The following LBH variants were observed in gnomAD, a reference collection of about 807,000 sequenced individuals.
LBH encodes protein LBH.
LBH carries 7 observed loss-of-function variants against 12.5 expected under a neutral mutation model. The observed-to-expected ratio is 0.56, with a 90% CI of 0.32 to 1.05. The LOEUF (loss-of-function observed/expected upper bound fraction) is 1.05. Among genes scored for constraint, LBH ranks in the 50% least tolerant of loss-of-function variants. The probability of loss-of-function intolerance (pLI) is 0.04; values close to 1 mark genes in which losing one functional copy is unlikely to be tolerated. For missense variants in LBH, 119 were observed against 138.9 expected (o/e 0.86, Z 0.72); for synonymous variants, 51 against 50.1 (o/e 1.02, Z -0.08).
At chr2:30,241,353 A>G (rs1156569418) in intron 2 of LBH, among the ~76,000 whole-genome samples, 2 of 151,884 alleles carry the variant, frequency 1.3e-5, no homozygotes, top group Non-Finnish European at 2.9e-5. Context: ...TGGCAATTTC[A>G]TATTTTTATT....
chr2:30,238,256 AG>A (rs1223810680), intron 2 of LBH, among the ~76,000 whole-genome samples: 6 of 152,202 alleles, frequency 3.9e-5, no homozygotes, highest in Admixed American at 6.5e-5. Context: ...TAACTTCCTC[AG>A]CACAGCAGCC....
chr2:30,250,152 C>T (rs1207172891), intron 2 of LBH, among the ~76,000 whole-genome samples: 4 of 152,210 alleles, frequency 2.6e-5, no homozygotes, highest in South Asian at 4.2e-4. Flanking sequence ...TTTTCCTGAG[C>T]GGGTTTGGGC....
At chr2:30,234,652 T>G in intron 2 of LBH, 145 bp downstream of exon 2, 1 of 605,200 alleles carries the variant, frequency 1.7e-6, no homozygotes, top group Non-Finnish European at 3.0e-6. Context: ...AAGCCTCAGT[T>G]TCTTCATCTG....
intron 2 of LBH, 22 bp from the exon 3 acceptor site, chr2:30,257,411 A>G (rs1246131668): frequency 1.2e-6 from 2 of 1,613,556 alleles, no homozygotes; most frequent in African/African-American, 1.3e-5. Flanking sequence ...GTGACCAGGC[A>G]CCTGCTCTGC....
Position 30,247,051 on chromosome 2 carries a change from C to T in LBH, c.130-10382C>T, listed in dbSNP as rs565273592. On this transcript the variant is annotated intron_variant, in intron 2 of 2. Transcript: ENST00000395323. ...GCCCAGGCTTGTCTTGAAATCCCGGCCTCCAGCAGTCCTCCCACCTCAGCC... is the reference window on the plus strand; with the variant it reads ...GCCCAGGCTTGTCTTGAAATCCCGGTCTCCAGCAGTCCTCCCACCTCAGCC... Among the ~76,000 whole-genome samples, 8 of 152,094 alleles carry T rather than the reference C, an allele frequency of 5.3e-5. No individual in the cohort carries two copies. The South Asian group carries it at 1.7e-3, about 32-fold the overall frequency.
intron 2 of LBH, among the ~76,000 whole-genome samples, chr2:30,244,558 C>T (rs1161927143): frequency 6.6e-6 from 1 of 152,088 alleles, no homozygotes; most frequent in African/African-American, 2.4e-5. Flanking sequence ...GCCCTTCTCC[C>T]CCTTTACAAG....
At chr2:30,243,751 A>T (rs1572379736) in intron 2 of LBH, among the ~76,000 whole-genome samples, 1 of 151,084 alleles carries the variant, frequency 6.6e-6, no homozygotes, top group Admixed American at 6.6e-5. Flanking sequence ...CTGTTCTCGA[A>T]CTCCTGACCT....
intron 2 of LBH, 33 bp from the exon 3 acceptor site, chr2:30,257,400 C>T (rs1217912947): frequency 8.7e-6 from 14 of 1,610,070 alleles, no homozygotes; most frequent in East Asian, 2.2e-5. Flanking sequence ...CAAATATCTA[C>T]GTGACCAGGC....
At chr2:30,241,276 G>C (rs1437878638) in intron 2 of LBH, among the ~76,000 whole-genome samples, 1 of 152,086 alleles carries the variant, frequency 6.6e-6, no homozygotes, top group Non-Finnish European at 1.5e-5. Context: ...GCAGATGGGG[G>C]TTAATAAGTG....
At chr2:30,238,506 C>T (rs546599845) in intron 2 of LBH, among the ~76,000 whole-genome samples, 52 of 152,274 alleles carry the variant, frequency 3.4e-4, no homozygotes, top group African/African-American at 1.2e-3. Context: ...GTCAGGCAAG[C>T]GAGGGAGGAT....
At chr2:30,255,789 G>A (rs1042969560) in intron 2 of LBH, among the ~76,000 whole-genome samples, 1 of 152,188 alleles carries the variant, frequency 6.6e-6, no homozygotes, top group African/African-American at 2.4e-5. Flanking sequence ...GGTGACTCCT[G>A]TCTGCTGCCG....
chr2:30,250,515 C>G (rs1333709170), intron 2 of LBH, among the ~76,000 whole-genome samples: 1 of 151,524 alleles, frequency 6.6e-6, no homozygotes, highest in Non-Finnish European at 1.5e-5. Context: ...CTGAGAGATG[C>G]ACACTCAGGG....
At chr2:30,251,669 G>GAAAAA (rs200828977) in intron 2 of LBH, among the ~76,000 whole-genome samples, 1 of 111,016 alleles carries the variant, frequency 9.0e-6, no homozygotes, top group Non-Finnish European at 1.8e-5. Context: ...CCTATCTCAA[G>GAAAAA]AAAAAAAAAA....
chr2:30,238,118 G>T (rs1572377250), intron 2 of LBH, among the ~76,000 whole-genome samples: 1 of 152,180 alleles, frequency 6.6e-6, no homozygotes, highest in African/African-American at 2.4e-5. Flanking sequence ...ATGCCTCTGC[G>T]ACTGGGTCTC....
chr2:30,237,632 C>T (rs1464889581), intron 2 of LBH, among the ~76,000 whole-genome samples: 1 of 152,154 alleles, frequency 6.6e-6, no homozygotes, highest in Non-Finnish European at 1.5e-5. Flanking sequence ...CTGGAAAGGG[C>T]CTCCTCACGC....
chr2:30,236,223 C>T lies in LBH; in HGVS notation c.129+1716C>T, dbSNP rs935420739. Among the ~76,000 whole-genome samples the T allele has an allele frequency of 2.6e-5, 4 of 152,220 alleles. No homozygotes were observed. In the East Asian group the frequency reaches 7.7e-4, roughly 29 times the overall value. On this transcript the variant is annotated intron_variant, in intron 2 of 2. Transcript: ENST00000395323. ...GATAAAGGGCCAGGCCCTATAGGGC[C>T]GTTTTCTCAATGCTTCGAGTCCTTC...
intron 2 of LBH, among the ~76,000 whole-genome samples, chr2:30,247,430 T>C (rs1389912105): frequency 6.6e-6 from 1 of 152,242 alleles, no homozygotes; most frequent in Non-Finnish European, 1.5e-5. Flanking sequence ...TAATTTTCAC[T>C]TGAAAGCTCT....
chr2:30,254,167 A>G (rs1678037255), intron 2 of LBH, among the ~76,000 whole-genome samples: 1 of 152,232 alleles, frequency 6.6e-6, no homozygotes, highest in South Asian at 2.1e-4. Flanking sequence ...CCAAACCCAC[A>G]TATGCTATGT....
At chr2:30,242,474 C>T (rs963909335) in intron 2 of LBH, among the ~76,000 whole-genome samples, 1 of 152,050 alleles carries the variant, frequency 6.6e-6, no homozygotes, top group Non-Finnish European at 1.5e-5. Flanking sequence ...AAACTCCTGC[C>T]CTCAAGTGAT....
Sources: gnomAD v4.1 joint callset for allele counts (sites outside exome capture counted in the v4.1 genomes callset) on GRCh38, gnomAD v4.1.1 for gene constraint, MANE v1.5 for transcripts, NCBI Gene and HGNC (gene_info 2026-07-23, HGNC 2026-07-21) for gene names.